ALK: variants seen among roughly 807,000 people sequenced by gnomAD.
ALK encodes the protein ALK tyrosine kinase receptor.
Under a neutral mutation model 163.1 loss-of-function variants are expected in ALK, and 74 were observed. The ratio of observed to expected loss-of-function variants is 0.45; its 90% CI spans 0.38 to 0.55. ALK has a LOEUF of 0.55. ALK is among the 20% of genes least tolerant of loss of function. ALK has a pLI of 0.00. For missense variants in ALK, 2,063 were observed against 2,105.3 expected (o/e 0.98, Z 0.39); for synonymous variants, 960 against 843.2 (o/e 1.14, Z -2.40).
intron 2 of ALK, among the ~76,000 whole-genome samples, chr2:29,712,638 G>T (rs979495613): frequency 2.6e-5 from 4 of 151,708 alleles, no homozygotes; most frequent in Non-Finnish European, 4.4e-5. Context: ...TTGAGAGAGA[G>T]ATATTTAATT....
intron 1 of ALK, among the ~76,000 whole-genome samples, chr2:29,741,165 A>G (rs1680048810): frequency 6.6e-6 from 1 of 152,208 alleles, no homozygotes; most frequent in Non-Finnish European, 1.5e-5. Context: ...TATGGAGGAA[A>G]AAGATTAGTG....
chr2:29,342,734 CTCTT>C (rs1667829539), intron 5 of ALK, among the ~76,000 whole-genome samples: 1 of 152,122 alleles, frequency 6.6e-6, no homozygotes, highest in African/African-American at 2.4e-5. Context: ...TCAGGCTCTT[CTCTT>C]TCTTCTTTTA....
intron 4 of ALK, among the ~76,000 whole-genome samples, chr2:29,512,006 G>T (rs1573416507): frequency 6.7e-6 from 1 of 148,692 alleles, no homozygotes; most frequent in Non-Finnish European, 1.5e-5. Context: ...ACTGTGGCTT[G>T]TATTTTGATT....
At chr2:29,373,544 C>A (rs753466124) in intron 5 of ALK, among the ~76,000 whole-genome samples, 1 of 152,184 alleles carries the variant, frequency 6.6e-6, no homozygotes, top group African/African-American at 2.4e-5. Flanking sequence ...TTGTGTCTGC[C>A]CCCATTTCTG....
chr2:29,244,572 A>G (rs182729594), intron 12 of ALK, among the ~76,000 whole-genome samples: 1 of 152,280 alleles, frequency 6.6e-6, no homozygotes, highest in Non-Finnish European at 1.5e-5. Flanking sequence ...GCCTTGAAAC[A>G]CCTGAGCTTG....
chr2:29,800,943 G>A (rs922738684), intron 1 of ALK, among the ~76,000 whole-genome samples: 2 of 152,182 alleles, frequency 1.3e-5, no homozygotes, highest in Non-Finnish European at 2.9e-5. Flanking sequence ...CCTCCTGTGG[G>A]CTCCCGTGGG....
intron 1 of ALK, among the ~76,000 whole-genome samples, chr2:29,791,708 C>A (rs1664194353): frequency 6.6e-6 from 1 of 152,074 alleles, no homozygotes; most frequent in Non-Finnish European, 1.5e-5. Flanking sequence ...GACCAGATCT[C>A]TTGTTTTTCA....
At chr2:29,825,471 G>C (rs1665171004) in intron 1 of ALK, among the ~76,000 whole-genome samples, 1 of 152,174 alleles carries the variant, frequency 6.6e-6, no homozygotes, top group Non-Finnish European at 1.5e-5. Flanking sequence ...AAGAGCCAGA[G>C]GAATGAGAGA....
intron 1 of ALK, among the ~76,000 whole-genome samples, chr2:29,873,805 C>T (rs1666635858): frequency 6.6e-6 from 1 of 151,804 alleles, no homozygotes. Context: ...ACATCATTAC[C>T]CAGGATAGCA....
intron 4 of ALK, among the ~76,000 whole-genome samples, chr2:29,454,041 C>T (rs889445632): frequency 2.0e-5 from 3 of 152,194 alleles, no homozygotes; most frequent in African/African-American, 7.2e-5. Context: ...AGGTTAATAA[C>T]TTTGGCTACC....
At chr2:29,711,544 C>T (rs779656770) in intron 2 of ALK, among the ~76,000 whole-genome samples, 4 of 151,996 alleles carry the variant, frequency 2.6e-5, no homozygotes, top group African/African-American at 4.8e-5. Flanking sequence ...AGCATACACT[C>T]GGCACTCCAC....
intron 11 of ALK, among the ~76,000 whole-genome samples, chr2:29,270,232 T>C (rs1417872780): frequency 2.6e-5 from 4 of 152,240 alleles, no homozygotes; most frequent in Non-Finnish European, 5.9e-5. Context: ...TTATCTGGCT[T>C]AGAAATTTTC....
chr2:29,319,537 G>A (rs1395053802), intron 7 of ALK, among the ~76,000 whole-genome samples: 1 of 152,158 alleles, frequency 6.6e-6, no homozygotes, highest in Non-Finnish European at 1.5e-5. Flanking sequence ...GGGTAGTTCA[G>A]TTCTGTGGGG....
chr2:29,662,149 C>A (rs1677367714), intron 3 of ALK, among the ~76,000 whole-genome samples: 1 of 152,076 alleles, frequency 6.6e-6, no homozygotes, highest in South Asian at 2.1e-4. Context: ...TGAGCTCAGG[C>A]AATCTGCCCA....
intron 15 of ALK, among the ~76,000 whole-genome samples, chr2:29,229,970 G>A (rs973848745): frequency 6.6e-6 from 1 of 152,200 alleles, no homozygotes; most frequent in South Asian, 2.1e-4. Context: ...AGCCGAGGTT[G>A]AATGTAGCCA....
chr2:29,749,324 T>C (rs1253419496), intron 1 of ALK, among the ~76,000 whole-genome samples: 1 of 152,166 alleles, frequency 6.6e-6, no homozygotes, highest in Non-Finnish European at 1.5e-5. Flanking sequence ...AGGTAACCTT[T>C]TAAAAATCAC....
At chr2:29,253,096 G>A (rs938408036) in intron 11 of ALK, among the ~76,000 whole-genome samples, 3 of 152,052 alleles carry the variant, frequency 2.0e-5, no homozygotes, top group Non-Finnish European at 4.4e-5. Context: ...GAGCTCAAGC[G>A]ATCCTCCTGC....
chr2:29,874,395 A>G (rs1010251848), intron 1 of ALK, among the ~76,000 whole-genome samples: 2 of 152,212 alleles, frequency 1.3e-5, no homozygotes, highest in Non-Finnish European at 2.9e-5. Context: ...GAAATATCAG[A>G]TAAGCCAGAT....
At chr2:29,236,729 G>A (rs1402697563) in intron 13 of ALK, among the ~76,000 whole-genome samples, 1 of 152,088 alleles carries the variant, frequency 6.6e-6, no homozygotes, top group Non-Finnish European at 1.5e-5. Context: ...GTCCCGCTTT[G>A]CTGGTTCCTC....
Sources: gnomAD v4.1 joint callset for allele counts (sites outside exome capture counted in the v4.1 genomes callset) on GRCh38, gnomAD v4.1.1 for gene constraint, MANE v1.5 for transcripts, NCBI Gene and HGNC (gene_info 2026-07-23, HGNC 2026-07-21) for gene names.